The following SCHIP1 variants were observed in gnomAD, a reference collection of about 807,000 sequenced individuals.
SCHIP1 encodes schwannomin-interacting protein 1.
In SCHIP1, 8 loss-of-function variants were observed where a neutral mutation model predicts 29.7. That is an observed-to-expected ratio of 0.27 (90% CI 0.16 to 0.49). The LOEUF is 0.49. Among genes scored for constraint, SCHIP1 ranks in the 20% least tolerant of loss-of-function variants. The probability of loss-of-function intolerance (pLI) is 0.99; values close to 1 mark genes in which losing one functional copy is unlikely to be tolerated. For missense variants in SCHIP1, 193 were observed against 294.6 expected (o/e 0.66, Z 2.52); for synonymous variants, 76 against 94.9 (o/e 0.80, Z 1.16).
the SCHIP1 span, among the ~76,000 whole-genome samples, chr3:159,580,761 C>T: frequency 6.6e-6 from 1 of 152,128 alleles, no homozygotes; most frequent in Admixed American, 6.5e-5. Flanking sequence ...TTGTAAGTGT[C>T]CAGTGCTCTC....
At chr3:159,624,104 A>T in the SCHIP1 span, among the ~76,000 whole-genome samples, 1 of 152,330 alleles carries the variant, frequency 6.6e-6, no homozygotes, top group African/African-American at 2.4e-5. Flanking sequence ...AAATTAAAAA[A>T]ATATATAATG....
chr3:159,284,789 G>A, the SCHIP1 span, among the ~76,000 whole-genome samples: 15 of 152,074 alleles, frequency 9.9e-5, no homozygotes, highest in South Asian at 4.2e-4. Flanking sequence ...GAGCCACCAC[G>A]CCTGGCCAAC....
the SCHIP1 span, among the ~76,000 whole-genome samples, chr3:159,617,359 C>T: frequency 6.6e-6 from 1 of 152,146 alleles, no homozygotes; most frequent in Non-Finnish European, 1.5e-5. Context: ...CTGCAAGCAA[C>T]CAGAAGGAGC....
the SCHIP1 span, among the ~76,000 whole-genome samples, chr3:159,631,193 G>A: frequency 6.6e-6 from 1 of 151,686 alleles, no homozygotes; most frequent in Non-Finnish European, 1.5e-5. Context: ...AAAATAACAA[G>A]TGTTGGCAAC....
the SCHIP1 span, among the ~76,000 whole-genome samples, chr3:159,696,811 T>C: frequency 6.6e-6 from 1 of 152,120 alleles, no homozygotes; most frequent in Non-Finnish European, 1.5e-5. Context: ...GGAAAAGAGA[T>C]CAGCCCATTA....
the SCHIP1 span, among the ~76,000 whole-genome samples, chr3:159,667,438 C>G: frequency 2.0e-5 from 3 of 152,162 alleles, no homozygotes; most frequent in Non-Finnish European, 4.4e-5. Context: ...GGAACCTGTA[C>G]GTGTTGTGGG....
the SCHIP1 span, among the ~76,000 whole-genome samples, chr3:159,675,185 G>C: frequency 6.6e-6 from 1 of 152,208 alleles, no homozygotes; most frequent in South Asian, 2.1e-4. Flanking sequence ...ACATGCCAGT[G>C]AATCTCCTGT....
At chr3:159,748,367 A>G in the SCHIP1 span, among the ~76,000 whole-genome samples, 950 of 152,356 alleles carry the variant, frequency 6.2e-3, 5 homozygotes, top group African/African-American at 0.022. Context: ...ACTAATGTAA[A>G]GTTTCCCTTT....
At chr3:159,289,682 G>A in the SCHIP1 span, among the ~76,000 whole-genome samples, 1 of 152,082 alleles carries the variant, frequency 6.6e-6, no homozygotes. Context: ...ACCACAGGAG[G>A]GCAAGGACCA....
the SCHIP1 span, among the ~76,000 whole-genome samples, chr3:159,543,772 A>T: frequency 1.3e-5 from 2 of 152,148 alleles, no homozygotes; most frequent in African/African-American, 4.8e-5. Flanking sequence ...TTCTAGTTCT[A>T]GATCCCTGAT....
At chr3:159,633,926 G>C in the SCHIP1 span, among the ~76,000 whole-genome samples, 4 of 152,094 alleles carry the variant, frequency 2.6e-5, no homozygotes, top group African/African-American at 9.6e-5. Flanking sequence ...ATGGACCTAC[G>C]CATAACAGTA....
chr3:159,840,568 A>T (rs1744131448), intron 1 of SCHIP1, among the ~76,000 whole-genome samples: 1 of 152,192 alleles, frequency 6.6e-6, no homozygotes, highest in Non-Finnish European at 1.5e-5. Context: ...GAAAAACGTG[A>T]TTTTTGCTCG....
chr3:159,302,358 G>A, the SCHIP1 span, among the ~76,000 whole-genome samples: 1 of 152,050 alleles, frequency 6.6e-6, no homozygotes, highest in Admixed American at 6.6e-5. Context: ...GTTTTCTAAG[G>A]GTAGAAGAAA....
the SCHIP1 span, chr3:159,274,315 T>C: frequency 1.0e-5 from 10 of 982,964 alleles, no homozygotes; most frequent in Non-Finnish European, 1.2e-5. Context: ...CAATTTAGAT[T>C]ATACTTTCAG....
the SCHIP1 span, chr3:159,764,776 G>A: frequency 5.1e-6 from 8 of 1,564,442 alleles, no homozygotes; most frequent in South Asian, 4.7e-5. The surrounding 1 kb of genome is among the most constrained non-coding windows in gnomAD (Gnocchi z 6.1). Flanking sequence ...CCGCAGCGGC[G>A]GCGGCGGGGG....
the SCHIP1 span, among the ~76,000 whole-genome samples, chr3:159,411,963 C>T: frequency 1.3e-5 from 2 of 152,140 alleles, no homozygotes; most frequent in South Asian, 2.1e-4. Flanking sequence ...AAATTAGGCA[C>T]TTATCTCTTA....
At chr3:159,888,041 G>T in intron 4 of SCHIP1, 136 bp downstream of exon 5, 1 of 1,201,340 alleles carries the variant, frequency 8.3e-7, no homozygotes, top group Non-Finnish European at 1.1e-6. Flanking sequence ...ATTGAGAAAT[G>T]ATTAAGTTTG....
the SCHIP1 span, among the ~76,000 whole-genome samples, chr3:159,682,481 T>C: frequency 1.3e-5 from 2 of 152,192 alleles, no homozygotes; most frequent in Non-Finnish European, 2.9e-5. Context: ...CAGTGAACTA[T>C]AAATTTCAAA....
the SCHIP1 span, among the ~76,000 whole-genome samples, chr3:159,732,094 C>T: frequency 1.3e-5 from 2 of 152,216 alleles, no homozygotes; most frequent in Admixed American, 1.3e-4. Flanking sequence ...GATCCACCTG[C>T]CTTGGCCTCC....
Sources: gnomAD v4.1 joint callset for allele counts (sites outside exome capture counted in the v4.1 genomes callset) on GRCh38, gnomAD v4.1.1 for gene constraint, Gnocchi (gnomAD v3.1) non-coding constraint, MANE v1.5 for transcripts, NCBI Gene and HGNC (gene_info 2026-07-23, HGNC 2026-07-21) for gene names.